SDK2: variants seen among roughly 807,000 people sequenced by gnomAD.
The protein encoded by SDK2 is protein sidekick-2.
A neutral mutation model predicts 253.9 loss-of-function variants in SDK2; 105 were observed. The observed-to-expected ratio is 0.41, with a 90% CI of 0.35 to 0.49. The LOEUF (loss-of-function observed/expected upper bound fraction) is 0.49, where lower values mean the gene tolerates loss of function less well. Among genes scored for constraint, SDK2 ranks in the 20% least tolerant of loss-of-function variants. The pLI, the probability that SDK2 is intolerant of heterozygous loss-of-function variation, is 0.06. For missense variants in SDK2, 2,608 were observed against 3,003.0 expected (o/e 0.87, Z 3.07); for synonymous variants, 1,249 against 1,234.9 (o/e 1.01, Z -0.24).
rs573317680 is a variant in SDK2 at position 73,379,745 on chromosome 17, G to T, written c.4763-196C>A. Among the ~76,000 whole-genome samples the T allele has an allele frequency of 1.1e-4, 16 of 152,268 alleles. No individual in the cohort carries two copies. The South Asian group carries it at 3.3e-3, about 32-fold the overall frequency. ...CGCTCTGTGCCAATCTGGACATAGG[G>T]CAATGCTGGTTGGCCTCTTGGCCTA... is the stretch of plus-strand genomic sequence containing the variant. On this transcript the variant is annotated intron_variant, in intron 34 of 44. Transcript: ENST00000392650. This position sits in a 1 kb window ranked among gnomAD's most constrained non-coding sequence, Gnocchi z 4.5.
At chr17:73,589,039 C>A (rs2045645356) in intron 1 of SDK2, among the ~76,000 whole-genome samples, 1 of 152,272 alleles carries the variant, frequency 6.6e-6, no homozygotes, top group Admixed American at 6.5e-5. Context: ...ATGCCACGTA[C>A]TTGACCTTGC....
chr17:73,463,404 C>A (rs1046033155), intron 3 of SDK2, among the ~76,000 whole-genome samples: 1 of 152,128 alleles, frequency 6.6e-6, no homozygotes, highest in African/African-American at 2.4e-5. Flanking sequence ...AAATATGTCA[C>A]GCATACAAAA....
At chr17:73,514,144 T>C (rs1448962298) in intron 1 of SDK2, among the ~76,000 whole-genome samples, 2 of 152,160 alleles carry the variant, frequency 1.3e-5, no homozygotes, top group Admixed American at 6.5e-5. Flanking sequence ...ATCCCATTGA[T>C]GACAGGGAAG....
intron 12 of SDK2, among the ~76,000 whole-genome samples, chr17:73,425,088 C>T (rs1405808770): frequency 6.6e-6 from 1 of 152,070 alleles, no homozygotes; most frequent in Non-Finnish European, 1.5e-5. Context: ...GGCGTGGTGG[C>T]CAGTGCCTGT....
intron 29 of SDK2, among the ~76,000 whole-genome samples, chr17:73,389,121 C>G (rs1286718440): frequency 2.0e-5 from 3 of 150,526 alleles, no homozygotes; most frequent in African/African-American, 7.4e-5. Flanking sequence ...ATCCTTCTAC[C>G]TCGGCCTCTT....
intron 1 of SDK2, among the ~76,000 whole-genome samples, chr17:73,560,170 T>G (rs2045211065): frequency 1.3e-5 from 2 of 152,304 alleles, no homozygotes; most frequent in South Asian, 4.1e-4. Flanking sequence ...ACTAAAAGGA[T>G]GCAGTCACTC....
intron 44 of SDK2, 45 bp downstream of exon 44, chr17:73,348,554 G>T (rs1365979745): frequency 6.3e-7 from 1 of 1,599,132 alleles, no homozygotes; most frequent in Non-Finnish European, 8.5e-7. Flanking sequence ...TCTGGGAGGC[G>T]CTGCTCCCTG....
At chr17:73,514,037 T>G (rs1039368305) in intron 1 of SDK2, among the ~76,000 whole-genome samples, 3 of 152,204 alleles carry the variant, frequency 2.0e-5, no homozygotes, top group African/African-American at 7.2e-5. Flanking sequence ...ACATTGATAT[T>G]GTGGACCACA....
intron 12 of SDK2, among the ~76,000 whole-genome samples, chr17:73,425,873 C>A (rs562868346): frequency 4.6e-5 from 7 of 151,958 alleles, no homozygotes; most frequent in Non-Finnish European, 1.0e-4. Flanking sequence ...AAACTAACAC[C>A]ACCCACCTCA....
chr17:73,371,013 G>C (rs764653194), intron 36 of SDK2, among the ~76,000 whole-genome samples: 3 of 151,962 alleles, frequency 2.0e-5, no homozygotes, highest in Non-Finnish European at 4.4e-5. Context: ...GCAGTGAGCT[G>C]AGATCACACC....
chr17:73,467,112 G>T lies in SDK2; in HGVS notation c.331+5000C>A, dbSNP rs148312344. Among the ~76,000 whole-genome samples the T allele has an allele frequency of 6.6e-6, 1 of 151,968 alleles. No individual in the cohort carries two copies. The highest frequency in any genetic ancestry group is 1.9e-4 in the East Asian group (1 of 5,176). ...TGGTAGAGTCTACCCCACCCCACCC[G>T]CTGGCACTAGACATTCACCCTAGGT... On this transcript the variant is annotated intron_variant, in intron 3 of 44. Coordinates refer to ENST00000392650, the MANE Select transcript of SDK2 (RefSeq NM_001144952.2). The surrounding 1 kb of genome is among the most constrained non-coding windows in gnomAD (Gnocchi z 4.1).
Position 73,402,012 on chromosome 17 carries a change from G to A in SDK2, c.2614C>T (p.Leu872=). Residue 872 remains leucine (L), a synonymous_variant, in exon 19 of 45, where the codon CTG becomes TTG. Coordinates refer to ENST00000392650, the MANE Select transcript of SDK2 (RefSeq NM_001144952.2). ...CCGTCCCCGGGGGTGGTGAAACACAGCACTGAGGTGAAGTACTCGGTGAAC... is the reference window on the plus strand; with the variant it reads ...CCGTCCCCGGGGGTGGTGAAACACAACACTGAGGTGAAGTACTCGGTGAAC... ...KKFTEYFTSV[L]CFTTPGDGPR... 1.2e-6 allele frequency: 2 copies of A among 1,613,858 alleles called. No homozygotes were observed. The highest frequency in any genetic ancestry group is 1.1e-5 in the South Asian group (1 of 91,060).
intron 14 of SDK2, 95 bp downstream of exon 14, chr17:73,423,291 A>T (rs1343941609): frequency 8.3e-7 from 1 of 1,210,638 alleles, no homozygotes; most frequent in Non-Finnish European, 1.1e-6. Context: ...AAAGGCCCAG[A>T]ACTAGGAAGC....
chr17:73,451,903 T>C (rs1310703623), intron 4 of SDK2, among the ~76,000 whole-genome samples: 2 of 152,188 alleles, frequency 1.3e-5, no homozygotes, highest in African/African-American at 2.4e-5. Context: ...GGAAGAATTC[T>C]TGGGGGACAC....
chr17:73,342,866 C>A (rs999081273), intron 44 of SDK2, among the ~76,000 whole-genome samples: 3 of 148,156 alleles, frequency 2.0e-5, no homozygotes, highest in African/African-American at 7.4e-5. Flanking sequence ...GGAGAGAATG[C>A]TGTAAAAGGT....
chr17:73,376,693 G>A (rs995628058), intron 36 of SDK2, among the ~76,000 whole-genome samples: 3 of 152,056 alleles, frequency 2.0e-5, no homozygotes, highest in African/African-American at 7.2e-5. Flanking sequence ...TACAAGCCTC[G>A]ACAGTCTGGT....
intron 1 of SDK2, among the ~76,000 whole-genome samples, chr17:73,562,981 G>A (rs1882033848): frequency 6.6e-6 from 1 of 152,210 alleles, no homozygotes; most frequent in Admixed American, 6.5e-5. Flanking sequence ...TCGGACCTGG[G>A]CACTTGAAGC....
rs1209162489 is a variant in SDK2 at position 73,365,267 on chromosome 17, G to T, written c.5296C>A (p.Pro1766Thr). The change falls in exon 38 of 45, where the codon CCC (proline) becomes ACC (threonine). Residue 1766 changes from proline to threonine, a missense_variant. Pro to Thr is a conservative substitution (Grantham distance 38). Coordinates refer to ENST00000392650, the MANE Select transcript of SDK2 (RefSeq NM_001144952.2). ...TGGGGGGTCCACTCACCATCCACGG[G>T]GCTGCAGGGCTCGTACACCAGCCTG... is the stretch of plus-strand genomic sequence containing the variant. The part of the protein sequence containing the change: ...GYRLVYEPCS[P>T]VDGVSKIVTV... 1 of 1,608,568 alleles carries T rather than the reference G, an allele frequency of 6.2e-7. No individual in the cohort carries two copies. The highest frequency in any genetic ancestry group is 2.2e-5 in the East Asian group (1 of 44,680).
At chr17:73,377,017 T>C (rs1430701471) in intron 36 of SDK2, among the ~76,000 whole-genome samples, 1 of 151,872 alleles carries the variant, frequency 6.6e-6, no homozygotes, top group Non-Finnish European at 1.5e-5. Context: ...GTGCCTTGTG[T>C]CTCTCCTACT....
Sources: allele counts gnomAD v4.1 joint callset (sites outside exome capture counted in the v4.1 genomes callset), GRCh38; gene constraint gnomAD v4.1.1; non-coding constraint Gnocchi (gnomAD v3.1); transcripts MANE v1.5; gene names NCBI Gene and HGNC (gene_info 2026-07-23, HGNC 2026-07-21).